TUSC3: variants seen among roughly 807,000 people sequenced by gnomAD.
The protein encoded by TUSC3 is tumor suppressor candidate 3, also known as dolichyl-diphosphooligosaccharide--protein glycosyltransferase subunit TUSC3.
A neutral mutation model predicts 44.8 loss-of-function variants in TUSC3; 45 were observed. The ratio of observed to expected loss-of-function variants is 1.00; its 90% CI spans 0.79 to 1.29. The LOEUF is 1.29. Ranked by LOEUF, TUSC3 falls within the 50% of genes most tolerant of loss-of-function variation. The pLI, the probability that TUSC3 is intolerant of heterozygous loss-of-function variation, is 0.00. For missense variants in TUSC3, 519 were observed against 437.9 expected, an observed-to-expected ratio of 1.19 and a Z score of -1.65; for synonymous variants, 212 against 152.9, an observed-to-expected ratio of 1.39 and a Z score of -2.85.
At chr8:15,570,364 T>G (rs182423022) in intron 1 of TUSC3, among the ~76,000 whole-genome samples, 1 of 151,902 alleles carries the variant, frequency 6.6e-6, no homozygotes, top group Admixed American at 6.6e-5. Context: ...TTGCTGGAAA[T>G]TGGTTGAAAG....
At chr8:15,679,181 A>G (rs1316082028) in intron 6 of TUSC3, among the ~76,000 whole-genome samples, 2 of 152,118 alleles carry the variant, frequency 1.3e-5, no homozygotes, top group African/African-American at 4.8e-5. Context: ...AAAATCTCCA[A>G]AGTACTTTCC....
chr8:15,506,247 C>T (rs901370136), intron 2 of TUSC3, among the ~76,000 whole-genome samples: 1 of 152,184 alleles, frequency 6.6e-6, no homozygotes, highest in Non-Finnish European at 1.5e-5. Context: ...CCCTGCCCTC[C>T]TCTCTCTCAG....
intron 6 of TUSC3, among the ~76,000 whole-genome samples, chr8:15,712,578 A>G (rs187128314): frequency 6.6e-6 from 1 of 152,140 alleles, no homozygotes; most frequent in African/African-American, 2.4e-5. Context: ...TGGTCTCCAA[A>G]GGACACTAAG....
chr8:15,435,877 T>A (rs942101616), intron 1 of TUSC3, among the ~76,000 whole-genome samples: 2 of 152,214 alleles, frequency 1.3e-5, no homozygotes, highest in African/African-American at 4.8e-5. Flanking sequence ...ACAGATTACC[T>A]CCAAAGCTTA....
intron 1 of TUSC3, among the ~76,000 whole-genome samples, chr8:15,604,157 T>C (rs1475241005): frequency 6.6e-6 from 1 of 151,616 alleles, no homozygotes; most frequent in African/African-American, 2.4e-5. Context: ...TGAGATAGAG[T>C]ATTATGCAAA....
rs1386792968 is a variant in TUSC3, at chr8:15,577,584, T to G, written c.138+37016T>G. ...ATTAAATAGGGAATCCTTTCCCCAT[T>G]GCTTGTTTTTCTCAGGTTTGTCAAA... On this transcript the variant is annotated intron_variant, in intron 1 of 10. Coordinates refer to ENST00000503731, the MANE Select transcript of TUSC3 (RefSeq NM_006765.4). Among the ~76,000 whole-genome samples the G allele has an allele frequency of 3.4e-5, 5 of 148,610 alleles. No homozygotes were observed. The Admixed American group carries it at 3.4e-4, about 10-fold the overall frequency.
intron 1 of TUSC3, 50 bp from the exon 2 acceptor site, chr8:15,623,030 C>G (rs1416859530): frequency 6.3e-7 from 1 of 1,576,280 alleles, no homozygotes; most frequent in South Asian, 1.2e-5. Context: ...GAAATTCAAA[C>G]AAAAGGACTT....
At chr8:15,569,057 A>G (rs879497589) in intron 1 of TUSC3, among the ~76,000 whole-genome samples, 1 of 152,152 alleles carries the variant, frequency 6.6e-6, no homozygotes, top group Non-Finnish European at 1.5e-5. Context: ...GCGGCTTGTT[A>G]TATATTAAAT....
chr8:15,584,952 C>T (rs545005942), intron 1 of TUSC3, among the ~76,000 whole-genome samples: 9 of 151,868 alleles, frequency 5.9e-5, no homozygotes, highest in Admixed American at 3.3e-4. Context: ...AGACATTGAA[C>T]GATGATATAC....
the TUSC3 span, among the ~76,000 whole-genome samples, chr8:15,797,967 C>T: frequency 6.6e-6 from 1 of 152,202 alleles, no homozygotes; most frequent in Non-Finnish European, 1.5e-5. Context: ...TCTTACTATT[C>T]TTTCTACCTT....
intron 2 of TUSC3, among the ~76,000 whole-genome samples, chr8:15,649,559 G>C (rs1806791992): frequency 6.6e-6 from 1 of 151,098 alleles, no homozygotes; most frequent in African/African-American, 2.4e-5. Flanking sequence ...ACTCCAGCCT[G>C]GGCGACAGAG....
intron 2 of TUSC3, among the ~76,000 whole-genome samples, chr8:15,488,091 T>A (rs932528654): frequency 3.9e-5 from 6 of 152,064 alleles, no homozygotes; most frequent in African/African-American, 1.4e-4. Flanking sequence ...GAAGGAAGAT[T>A]TAAAGTAGAA....
intron 1 of TUSC3, among the ~76,000 whole-genome samples, chr8:15,590,827 G>A (rs1803802830): frequency 6.6e-6 from 1 of 151,596 alleles, no homozygotes; most frequent in South Asian, 2.1e-4. Context: ...GCACACCACT[G>A]TGCCTGGCTA....
At position 15,765,476 on chromosome 8, in the gene TUSC3, A is replaced by T. The variant is rs1812302479; in HGVS notation, c.*1320A>T. The T allele has an allele frequency of 6.6e-6, 1 of 152,018 alleles. No individual in the cohort carries two copies. Among genetic ancestry groups the T allele is most frequent in the Admixed American group, 6.6e-5 (1 of 15,226 alleles). 9.4% of individuals were successfully genotyped at this position (152,018 alleles called of 1,614,324 possible). A position where few individuals can be genotyped will look rare whatever the true frequency, so the allele number is the denominator to read the frequency against. The stretch of plus-strand genomic sequence containing the variant: ...AGCCTCAAACAAGAAACGGGTGTAC[A>T]ACCATTGAGTTTACTTACTTAAATC... On this transcript the variant is annotated 3_prime_UTR_variant, in exon 11 of 11. Coordinates refer to ENST00000503731, the MANE Select transcript of TUSC3 (RefSeq NM_006765.4).
intron 1 of TUSC3, among the ~76,000 whole-genome samples, chr8:15,458,481 C>T (rs1244589661): frequency 6.6e-6 from 1 of 152,138 alleles, no homozygotes; most frequent in Non-Finnish European, 1.5e-5. Flanking sequence ...TCAAGTGATC[C>T]ACCCACCTCG....
chr8:15,596,811 C>G (rs1205625695), intron 1 of TUSC3, among the ~76,000 whole-genome samples: 1 of 151,956 alleles, frequency 6.6e-6, no homozygotes, highest in Non-Finnish European at 1.5e-5. Flanking sequence ...AACTCTTTTT[C>G]TCCCTTCCCT....
chr8:15,448,117 A>ATATATATATATTTATTTATTTGTT (rs1276079521), intron 1 of TUSC3, among the ~76,000 whole-genome samples: 2 of 93,782 alleles, frequency 2.1e-5, no homozygotes, highest in African/African-American at 8.3e-5. Context: ...ACATATATAT[A>ATATATATATATTTATTTATTTGTT]TATTTATTTA....
chr8:15,534,379 C>A (rs1344288812), intron 2 of TUSC3, among the ~76,000 whole-genome samples: 1 of 152,116 alleles, frequency 6.6e-6, no homozygotes, highest in Non-Finnish European at 1.5e-5. Flanking sequence ...CGCGGTGACG[C>A]ACACCTGTAA....
At chr8:15,642,609 G>T (rs73195125) in intron 2 of TUSC3, among the ~76,000 whole-genome samples, 27,467 of 151,942 alleles carry the variant, frequency 0.18, 2,426 homozygotes, top group South Asian at 0.27. Context: ...TGAAGCTGAA[G>T]AATAGACTTA....
Sources: allele counts gnomAD v4.1 joint callset (sites outside exome capture counted in the v4.1 genomes callset), GRCh38; gene constraint gnomAD v4.1.1; transcripts MANE v1.5; gene names NCBI Gene and HGNC (gene_info 2026-07-23, HGNC 2026-07-21).